The following GSE1 variants were observed in gnomAD, a reference collection of about 807,000 sequenced individuals.
GSE1 encodes genetic suppressor element 1.
Under a neutral mutation model 112.6 loss-of-function variants are expected in GSE1, and 32 were observed. The observed-to-expected ratio is 0.28, with a 90% CI of 0.21 to 0.38. The LOEUF (loss-of-function observed/expected upper bound fraction) is 0.38, where lower values mean the gene tolerates loss of function less well. GSE1 is among the 10% of genes least tolerant of loss of function. The pLI, the probability that GSE1 is intolerant of heterozygous loss-of-function variation, is 1.00. For missense variants in GSE1, 2,348 were observed against 1,699.2 expected, an observed-to-expected ratio of 1.38 and a Z score of -6.71; for synonymous variants, 1,115 against 735.6, an observed-to-expected ratio of 1.52 and a Z score of -8.35.
intron 1 of GSE1, among the ~76,000 whole-genome samples, chr16:85,265,607 C>T (rs967704904): frequency 1.3e-5 from 2 of 152,144 alleles, no homozygotes; most frequent in African/African-American, 2.4e-5. Flanking sequence ...CCCTGATTGC[C>T]TCCAAATCAG....
At chr16:85,273,518 C>G (rs1008280573) in intron 1 of GSE1, among the ~76,000 whole-genome samples, 4 of 151,732 alleles carry the variant, frequency 2.6e-5, no homozygotes, top group Admixed American at 2.0e-4. Context: ...ATGGATCAAC[C>G]ATGAAAACGT....
At chr16:85,458,062 G>A (rs1487095164) in intron 2 of GSE1, among the ~76,000 whole-genome samples, 3 of 152,186 alleles carry the variant, frequency 2.0e-5, no homozygotes, top group Non-Finnish European at 4.4e-5. Context: ...TTCTAGTGAG[G>A]TGCTCAGGTG....
At chr16:85,455,323 C>G (rs1020732525) in intron 2 of GSE1, among the ~76,000 whole-genome samples, 1 of 151,190 alleles carries the variant, frequency 6.6e-6, no homozygotes, top group Admixed American at 6.6e-5. Flanking sequence ...CTGCAGTAAG[C>G]CAAGATTGTG....
intron 1 of GSE1, among the ~76,000 whole-genome samples, chr16:85,621,898 C>T (rs1177369433): frequency 6.6e-6 from 1 of 152,186 alleles, no homozygotes; most frequent in East Asian, 1.9e-4. Context: ...ATGCAGCCTT[C>T]AGGACAGGAG....
intron 2 of GSE1, among the ~76,000 whole-genome samples, chr16:85,399,441 C>T (rs903261714): frequency 6.6e-6 from 1 of 152,204 alleles, no homozygotes; most frequent in African/African-American, 2.4e-5. Flanking sequence ...AATAATACAG[C>T]CAGCACCCAC....
intron 1 of GSE1, among the ~76,000 whole-genome samples, chr16:85,318,728 C>G (rs1463182798): frequency 6.6e-6 from 1 of 152,228 alleles, no homozygotes; most frequent in African/African-American, 2.4e-5. Flanking sequence ...GCTGCTTGGG[C>G]AGACTCCAGA....
intron 1 of GSE1, among the ~76,000 whole-genome samples, chr16:85,218,763 C>G (rs955991644): frequency 6.6e-6 from 1 of 152,244 alleles, no homozygotes; most frequent in Non-Finnish European, 1.5e-5. Context: ...TCTACTTCAT[C>G]TTTGCTTCCA....
rs1194945395 is a variant in GSE1 at position 85,663,437 on chromosome 16, C to G, written c.2467C>G (p.Arg823Gly). 1 of 1,613,836 alleles carries G rather than the reference C, an allele frequency of 6.2e-7. No homozygotes were observed. The highest frequency in any genetic ancestry group is 8.5e-7 in the Non-Finnish European group (1 of 1,180,016). Residue 823 changes from arginine to glycine, a missense_variant, in exon 11 of 16, where the codon CGA (arginine) becomes GGA (glycine). Arg to Gly is a moderately radical substitution (Grantham distance 125). Coordinates refer to ENST00000253458, the MANE Select transcript of GSE1 (RefSeq NM_014615.5). The part of the protein sequence containing the change: ...QKRRKRRRML[R>G]ERSPSPPTIQ... The stretch of plus-strand genomic sequence containing the variant: ...GCGGAGGAAGCGGCGGAGGATGCTG[C>G]GAGAGAGAAGCCCGTCGCCCCCAAC...
intron 1 of GSE1, among the ~76,000 whole-genome samples, chr16:85,173,272 C>T (rs1214711971): frequency 6.6e-6 from 1 of 152,188 alleles, no homozygotes; most frequent in African/African-American, 2.4e-5. Context: ...AGACAACACT[C>T]AGTCAGTAGG....
intron 1 of GSE1, among the ~76,000 whole-genome samples, chr16:85,245,725 T>A (rs1017296135): frequency 6.6e-6 from 1 of 152,162 alleles, no homozygotes; most frequent in Non-Finnish European, 1.5e-5. Flanking sequence ...AAAAAAAGTG[T>A]CCTCTGATTA....
intron 1 of GSE1, chr16:85,594,366 G>C (rs2047133372): frequency 6.6e-6 from 1 of 152,172 alleles, no homozygotes; most frequent in South Asian, 2.1e-4. Context: ...CCCCATCTGT[G>C]AGCCCTGAGT....
At chr16:85,521,674 T>C (rs75631783) in intron 2 of GSE1, among the ~76,000 whole-genome samples, 5,287 of 152,314 alleles carry the variant, frequency 0.035, 156 homozygotes, top group South Asian at 0.15. Flanking sequence ...TGCATCTGAG[T>C]AGCGGCTAAG....
chr16:85,347,565 C>G lies in GSE1; in HGVS notation c.2284-9898C>G, dbSNP rs1007385660. ...TGGATCCCCGCTTTCTAGTGACCCT[C>G]CTGGAAAGACCCGTGCCCCACCCGC... On this transcript the variant is annotated intron_variant, in intron 1 of 2. Coordinates refer to the GSE1 transcript ENST00000637419. Among the ~76,000 whole-genome samples, 7 of 152,314 alleles carry G rather than the reference C, an allele frequency of 4.6e-5. No individual in the cohort carries two copies. In the East Asian group the frequency reaches 1.2e-3, roughly 25 times the overall value.
chr16:85,243,581 G>T (rs550650895), intron 1 of GSE1, among the ~76,000 whole-genome samples: 9 of 152,346 alleles, frequency 5.9e-5, no homozygotes, highest in African/African-American at 2.2e-4. Context: ...CCAAGTGTTG[G>T]CCTCTATGCA....
intron 2 of GSE1, among the ~76,000 whole-genome samples, chr16:85,525,260 A>AG (rs1223925169): frequency 1.3e-5 from 2 of 151,578 alleles, no homozygotes; most frequent in African/African-American, 2.4e-5. Context: ...TCCCCCCCCC[A>AG]CTGATGGTGA....
chr16:85,183,763 A>T (rs199861848), intron 1 of GSE1, among the ~76,000 whole-genome samples: 20 of 152,170 alleles, frequency 1.3e-4, no homozygotes, highest in Non-Finnish European at 1.9e-4. Context: ...ACAGATGTAC[A>T]GGCTGAGGCT....
At chr16:85,672,116 A>C (rs904882134) in intron 15 of GSE1, 26 of 336,320 alleles carry the variant, frequency 7.7e-5, no homozygotes, top group African/African-American at 5.4e-4. Context: ...CTCCTGCCTC[A>C]GCCTCCCGAG....
chr16:85,204,694 A>C (rs2143589232), intron 1 of GSE1, among the ~76,000 whole-genome samples: 1 of 152,316 alleles, frequency 6.6e-6, no homozygotes, highest in Non-Finnish European at 1.5e-5. Flanking sequence ...CCTCTCCCCC[A>C]GGGAGAATGA....
At chr16:85,483,954 C>A (rs558841676) in intron 2 of GSE1, among the ~76,000 whole-genome samples, 1 of 152,142 alleles carries the variant, frequency 6.6e-6, no homozygotes, top group Non-Finnish European at 1.5e-5. Context: ...GACTTTCAGA[C>A]CTAAGCGTTG....
Sources: gnomAD v4.1 joint callset for allele counts (sites outside exome capture counted in the v4.1 genomes callset) on GRCh38, gnomAD v4.1.1 for gene constraint, MANE v1.5 for transcripts, NCBI Gene and HGNC (gene_info 2026-07-23, HGNC 2026-07-21) for gene names.